Variants in SRPRA observed in about 807,000 individuals in gnomAD.
SRPRA encodes the protein SRP receptor subunit alpha, also known as signal recognition particle receptor subunit alpha.
In SRPRA, 30 loss-of-function variants were observed where a neutral mutation model predicts 61.1. That is an observed-to-expected ratio of 0.49 (90% confidence interval 0.37 to 0.67). The LOEUF (loss-of-function observed/expected upper bound fraction) is 0.67. Among genes scored for constraint, SRPRA ranks in the 30% least tolerant of loss-of-function variants. The pLI is 0.00. For missense variants in SRPRA, 759 were observed against 828.4 expected, an observed-to-expected ratio of 0.92 and a Z score of 1.03; for synonymous variants, 324 against 299.7, an observed-to-expected ratio of 1.08 and a Z score of -0.84.
chr11:126,259,570 C>T (rs183926559), downstream of SRPRA, among the ~76,000 whole-genome samples: 357 of 151,826 alleles, frequency 2.4e-3, 2 homozygotes, highest in African/African-American at 7.9e-3. Flanking sequence ...GAACTATAGG[C>T]GCCCACCACC....
chr11:126,248,757 C>T, the SRPRA span, among the ~76,000 whole-genome samples: 11 of 152,174 alleles, frequency 7.2e-5, no homozygotes, highest in African/African-American at 9.7e-5. Context: ...GCACGGCCCT[C>T]GTGACTTAAT....
At chr11:126,239,608 T>C in the SRPRA span, among the ~76,000 whole-genome samples, 12 of 152,242 alleles carry the variant, frequency 7.9e-5, no homozygotes, top group South Asian at 1.2e-3. Context: ...GTCTGGTACA[T>C]ACAGGTTTTC....
chr11:126,239,564 T>C, the SRPRA span, among the ~76,000 whole-genome samples: 1 of 152,296 alleles, frequency 6.6e-6, no homozygotes, highest in East Asian at 1.9e-4. Context: ...GATCAGGGAC[T>C]CCATTTTGTT....
downstream of SRPRA, chr11:126,261,500 T>G (rs367770476): frequency 5.6e-6 from 9 of 1,602,216 alleles, no homozygotes; most frequent in Non-Finnish European, 6.8e-6. Context: ...CTGTTTCCTA[T>G]TCTACTATTT....
Position 126,268,096 on chromosome 11 carries a change from G to A in SRPRA, c.118-10C>T. On this transcript the variant is annotated splice_polypyrimidine_tract_variant and intron_variant, in intron 1 of 13. Transcript: ENST00000332118. ...TGTTACCTCCCCGTTCCTGGAGAAA[G>A]AGTATGTCTCAGTGTTCAGACTATC... The A allele has an allele frequency of 1.2e-6, 2 of 1,613,406 alleles. No homozygotes were observed. The highest frequency in any genetic ancestry group is 1.7e-6 in the Non-Finnish European group (2 of 1,179,432).
At chr11:126,249,615 C>T in the SRPRA span, among the ~76,000 whole-genome samples, 1 of 150,946 alleles carries the variant, frequency 6.6e-6, no homozygotes, top group Non-Finnish European at 1.5e-5. Context: ...CCTGTAATCC[C>T]AGCTACTTGG....
chr11:126,243,027 A>C, the SRPRA span, among the ~76,000 whole-genome samples: 1 of 152,360 alleles, frequency 6.6e-6, no homozygotes, highest in East Asian at 1.9e-4. Context: ...TTGGCCATTA[A>C]AAGGAATGAA....
chr11:126,250,698 C>T, the SRPRA span: 1 of 1,614,016 alleles, frequency 6.2e-7, no homozygotes, highest in Non-Finnish European at 8.5e-7. The surrounding 1 kb of genome is among the most constrained non-coding windows in gnomAD (Gnocchi z 5.1). Flanking sequence ...TCAGGGGAAA[C>T]AGCTTGAATC....
downstream of SRPRA, chr11:126,261,121 G>GT (rs1481837529): frequency 3.1e-6 from 1 of 320,050 alleles, no homozygotes; most frequent in East Asian, 5.9e-5. Context: ...CCTCTAGACT[G>GT]TTTAGGGACA....
rs1191009437 is a variant in SRPRA, at chr11:126,264,837, CTT to C, written c.1525+120_1525+121del. 1 of 997,046 alleles carries C rather than the reference CTT, an allele frequency of 1.0e-6. No homozygotes were observed. Among genetic ancestry groups the C allele is most frequent in the Non-Finnish European group, 1.4e-6 (1 of 694,520 alleles). The allele number at this position is 997,046 out of a possible 1,614,324, so 61.8% of individuals were successfully genotyped here. A position where few individuals can be genotyped will look rare whatever the true frequency, so the allele number is the denominator to read the frequency against. On this transcript the variant is annotated intron_variant, in intron 11 of 13. Coordinates refer to ENST00000332118, the MANE Select transcript of SRPRA (RefSeq NM_003139.4). This position sits in a 1 kb window ranked among gnomAD's most constrained non-coding sequence, Gnocchi z 5.0. ...AGAGCATGGCAAGTAACTGATCTGA[CTT>C]TTTACTGTAATTGACCAACGAGTCT...
chr11:126,262,236 G>GT, downstream of SRPRA: 1 of 1,288,644 alleles, frequency 7.8e-7, no homozygotes, highest in Non-Finnish European at 1.1e-6. Context: ...TTCCCAGAAA[G>GT]TAACAATAGC....
Position 126,264,869 on chromosome 11 carries a change from T to TAGC in SRPRA, c.1525+87_1525+89dup, listed in dbSNP as rs1318894110. ...CTGTAATTGACCAACGAGTCTGTAG[T>TAGC]AGCACAAGCCTGATCTTCTGCAAAT... On this transcript the variant is annotated intron_variant, in intron 11 of 13. Coordinates refer to ENST00000332118, the MANE Select transcript of SRPRA (RefSeq NM_003139.4). The surrounding 1 kb of genome is among the most constrained non-coding windows in gnomAD (Gnocchi z 5.0). 13 of 1,252,130 alleles carry TAGC rather than the reference T, an allele frequency of 1.0e-5. No individual in the cohort carries two copies. The highest frequency in any genetic ancestry group is 4.3e-5 in the South Asian group (3 of 69,296). 77.6% of individuals were successfully genotyped at this position (1,252,130 alleles called of 1,614,324 possible).
chr11:126,252,212 C>T, the SRPRA span, among the ~76,000 whole-genome samples: 1 of 152,118 alleles, frequency 6.6e-6, no homozygotes, highest in Admixed American at 6.5e-5. This position sits in a 1 kb window ranked among gnomAD's most constrained non-coding sequence, Gnocchi z 4.7. Flanking sequence ...GTCTCGAACT[C>T]CTGACCTCAG....
At chr11:126,248,464 G>A in the SRPRA span, among the ~76,000 whole-genome samples, 3 of 126,736 alleles carry the variant, frequency 2.4e-5, no homozygotes, top group Non-Finnish European at 3.2e-5. Flanking sequence ...TCTGCCTCCC[G>A]GATTCAAGCG....
the SRPRA span, among the ~76,000 whole-genome samples, chr11:126,242,027 A>G: frequency 1.4e-5 from 2 of 142,682 alleles, no homozygotes; most frequent in Non-Finnish European, 3.0e-5. Context: ...TCCGTCTCAA[A>G]AAAAAAAAAA....
At chr11:126,251,528 T>C in the SRPRA span, among the ~76,000 whole-genome samples, 3 of 152,194 alleles carry the variant, frequency 2.0e-5, no homozygotes, top group Non-Finnish European at 4.4e-5. Context: ...AGCTGCCCCA[T>C]GAAGACTAGT....
chr11:126,259,077 T>C (rs547695266), downstream of SRPRA, among the ~76,000 whole-genome samples: 1 of 152,320 alleles, frequency 6.6e-6, no homozygotes, highest in Non-Finnish European at 1.5e-5. Flanking sequence ...TTTATGGGAA[T>C]GGTCAGCTGA....
chr11:126,247,566 T>C, the SRPRA span, among the ~76,000 whole-genome samples: 2 of 152,044 alleles, frequency 1.3e-5, no homozygotes, highest in Non-Finnish European at 1.5e-5. Context: ...GGTGTTAAAA[T>C]GTAGTACGTA....
downstream of SRPRA, among the ~76,000 whole-genome samples, chr11:126,258,003 C>T (rs1430428490): frequency 6.6e-6 from 1 of 152,150 alleles, no homozygotes; most frequent in Non-Finnish European, 1.5e-5. Context: ...CAGAGTATGG[C>T]TAGTGTGACT....
Sources: allele counts gnomAD v4.1 joint callset (sites outside exome capture counted in the v4.1 genomes callset), GRCh38; gene constraint gnomAD v4.1.1; non-coding constraint Gnocchi (gnomAD v3.1); transcripts MANE v1.5; gene names NCBI Gene and HGNC (gene_info 2026-07-23, HGNC 2026-07-21).